The following NFATC3 variants were observed in gnomAD, a reference collection of about 807,000 sequenced individuals.
NFATC3 encodes the protein nuclear factor of activated T cells 3.
NFATC3 carries 46 observed loss-of-function variants against 98.6 expected under a neutral mutation model. The ratio of observed to expected loss-of-function variants is 0.47; its 90% CI spans 0.37 to 0.60. NFATC3 has a LOEUF of 0.60. NFATC3 is among the 20% of genes least tolerant of loss of function. NFATC3 has a pLI of 0.00. For missense variants in NFATC3, 1,256 were observed against 1,295.5 expected, an observed-to-expected ratio of 0.97 and a Z score of 0.47; for synonymous variants, 512 against 472.2, an observed-to-expected ratio of 1.08 and a Z score of -1.09.
In NFATC3 at chr16:68,085,581, C is replaced by T; in HGVS notation, c.-101C>T. ...GCCGTGGAGTCGCGACCTCTTGGCCCGCGCGGCCCGGCATGAAGCGGCGTT... is the reference window on the plus strand; with the variant it reads ...GCCGTGGAGTCGCGACCTCTTGGCCTGCGCGGCCCGGCATGAAGCGGCGTT... On this transcript the variant is annotated 5_prime_UTR_variant, in exon 1 of 10. Transcript: ENST00000346183. 2.8e-6 allele frequency: 3 copies of T among 1,072,782 alleles called. No homozygotes were observed. The highest frequency in any genetic ancestry group is 2.5e-6 in the Non-Finnish European group (2 of 788,146). 66.5% of individuals were successfully genotyped at this position (1,072,782 alleles called of 1,614,324 possible). A position where few individuals can be genotyped will look rare whatever the true frequency, so the allele number is the denominator to read the frequency against.
chr16:68,204,911 A>G (rs2041081443), intron 9 of NFATC3, among the ~76,000 whole-genome samples: 1 of 151,258 alleles, frequency 6.6e-6, no homozygotes. Flanking sequence ...TTACAAGGTT[A>G]CCTCTTGCTA....
At chr16:68,117,836 G>A (rs2036367409) in intron 1 of NFATC3, among the ~76,000 whole-genome samples, 1 of 152,148 alleles carries the variant, frequency 6.6e-6, no homozygotes, top group Non-Finnish European at 1.5e-5. Flanking sequence ...TTGAACAAAT[G>A]ATTTATTATA....
chr16:68,179,834 C>T (rs962711744), intron 6 of NFATC3, among the ~76,000 whole-genome samples: 4 of 152,088 alleles, frequency 2.6e-5, no homozygotes, highest in Non-Finnish European at 4.4e-5. Context: ...ATGAAGTCTC[C>T]CTGCTGGGAG....
At chr16:68,174,339 G>GT in intron 5 of NFATC3, 35 bp from the exon 6 acceptor site, 2 of 1,362,750 alleles carry the variant, frequency 1.5e-6, no homozygotes, top group Non-Finnish European at 1.9e-6. Flanking sequence ...CTAATATTTT[G>GT]TTTTTTCTCA....
At chr16:68,222,415 G>A (rs1443166088) in intron 9 of NFATC3, among the ~76,000 whole-genome samples, 1 of 148,668 alleles carries the variant, frequency 6.7e-6, no homozygotes, top group Non-Finnish European at 1.5e-5. Context: ...TTTAAAACTT[G>A]AACAGTGAAA....
chr16:68,111,159 C>T (rs7194894), intron 1 of NFATC3, among the ~76,000 whole-genome samples: 27,958 of 152,036 alleles, frequency 0.18, 2,944 homozygotes, highest in African/African-American at 0.28. Context: ...CACAGCTGAA[C>T]TCAAGTCCTG....
chr16:68,152,064 CAAAA>C (rs113165246), intron 3 of NFATC3, among the ~76,000 whole-genome samples: 1 of 80,312 alleles, frequency 1.2e-5, no homozygotes, highest in Non-Finnish European at 2.9e-5. Flanking sequence ...GGCTCCGTTT[CAAAA>C]AAAAAAAAAA....
intron 3 of NFATC3, among the ~76,000 whole-genome samples, chr16:68,152,655 A>G (rs1418601847): frequency 6.6e-6 from 1 of 152,204 alleles, no homozygotes; most frequent in Admixed American, 6.5e-5. Flanking sequence ...AGCTGGGACT[A>G]CAGGTGCATG....
chr16:68,117,242 A>T (rs534862644), intron 1 of NFATC3, among the ~76,000 whole-genome samples: 1 of 152,350 alleles, frequency 6.6e-6, no homozygotes, highest in South Asian at 2.1e-4. Context: ...GCTAAGTTTT[A>T]GAAAGTTTTA....
chr16:68,203,946 G>C (rs2041033978), intron 9 of NFATC3, among the ~76,000 whole-genome samples: 1 of 152,126 alleles, frequency 6.6e-6, no homozygotes, highest in Non-Finnish European at 1.5e-5. Flanking sequence ...CCAGCACTTT[G>C]GGAGGTCGAG....
chr16:68,219,955 C>A (rs894309431), intron 9 of NFATC3, among the ~76,000 whole-genome samples: 22 of 152,226 alleles, frequency 1.4e-4, no homozygotes, highest in African/African-American at 5.3e-4. Context: ...TACTCAAGCA[C>A]CTCATTCTTG....
At position 68,138,394 on chromosome 16, in the gene NFATC3, T is replaced by A. The variant is rs989260611; in HGVS notation, c.1401+11784T>A. 12 of 726,954 alleles carry A rather than the reference T, an allele frequency of 1.7e-5. No homozygotes were observed. The African/African-American group carries it at 2.2e-4, about 14-fold the overall frequency. 45.0% of individuals were successfully genotyped at this position (726,954 alleles called of 1,614,324 possible). A position where few individuals can be genotyped will look rare whatever the true frequency, so the allele number is the denominator to read the frequency against. On this transcript the variant is annotated intron_variant, in intron 3 of 9. Transcript: ENST00000346183. ...TTATTATAGTTCAAGCTCTCCTTCC[T>A]TGGATTAATCATGGTAGCCTAACTA...
At chr16:68,218,514 CAAAA>C (rs1326968858) in intron 9 of NFATC3, among the ~76,000 whole-genome samples, 1 of 59,418 alleles carries the variant, frequency 1.7e-5, no homozygotes, top group Non-Finnish European at 3.3e-5. Flanking sequence ...GAGAGCCTCT[CAAAA>C]AAAAAAAAAA....
At chr16:68,085,878 C>G (rs1567488763) in intron 1 of NFATC3, 94 bp downstream of exon 1, 3 of 981,982 alleles carry the variant, frequency 3.1e-6, no homozygotes, top group Non-Finnish European at 2.8e-6. Flanking sequence ...GACCGGAGAC[C>G]GATAACCCTG....
chr16:68,169,169 G>T (rs2039348197), intron 5 of NFATC3, among the ~76,000 whole-genome samples: 1 of 152,136 alleles, frequency 6.6e-6, no homozygotes, highest in East Asian at 1.9e-4. Context: ...AAGTCAACCA[G>T]TTCTCTTGCT....
Position 68,122,284 on chromosome 16 carries a change from A to G in NFATC3, c.401A>G (p.Asn134Ser), listed in dbSNP as rs759052472. Residue 134 changes from asparagine (N) to serine (S), a missense_variant, in exon 2 of 10, where the codon AAT (asparagine) becomes AGT (serine). By Grantham distance (46) the Asn-to-Ser change is conservative. Coordinates refer to ENST00000346183, the MANE Select transcript of NFATC3 (RefSeq NM_173165.3). ...GCACATGAAGATGACCTACAGATAA[A>G]TGACCCAGAACGGGAATTTTTGGAA... ...LDAHEDDLQI[N>S]DPEREFLERP... 7 of 1,614,032 alleles carry G rather than the reference A, an allele frequency of 4.3e-6. No individual in the cohort carries two copies. Among genetic ancestry groups the G allele is most frequent in the Non-Finnish European group, 5.1e-6 (6 of 1,180,032 alleles).
At chr16:68,094,201 A>G (rs12599178) in intron 1 of NFATC3, among the ~76,000 whole-genome samples, 42,234 of 151,920 alleles carry the variant, frequency 0.28, 7,411 homozygotes, top group African/African-American at 0.5. Context: ...CTCTAAGGAG[A>G]AATTGGCCTT....
At chr16:68,174,156 T>C (rs2039589277) in intron 5 of NFATC3, among the ~76,000 whole-genome samples, 1 of 152,124 alleles carries the variant, frequency 6.6e-6, no homozygotes, top group African/African-American at 2.4e-5. Context: ...TAAATAAATA[T>C]ACTTAGAAAT....
chr16:68,179,884 C>G (rs2039880885), intron 6 of NFATC3, among the ~76,000 whole-genome samples: 1 of 152,172 alleles, frequency 6.6e-6, no homozygotes, highest in Non-Finnish European at 1.5e-5. Flanking sequence ...AATACCAACT[C>G]AGCTGCATTA....
Sources: gnomAD v4.1 joint callset for allele counts (sites outside exome capture counted in the v4.1 genomes callset) on GRCh38, gnomAD v4.1.1 for gene constraint, MANE v1.5 for transcripts, NCBI Gene and HGNC (gene_info 2026-07-23, HGNC 2026-07-21) for gene names.